ZYX: variants seen among roughly 807,000 people sequenced by gnomAD.
ZYX encodes zyxin-2.
ZYX carries 37 observed loss-of-function variants against 58.1 expected under a neutral mutation model. The observed-to-expected ratio is 0.64, with a 90% CI of 0.49 to 0.84. The LOEUF (loss-of-function observed/expected upper bound fraction) is 0.84, where lower values mean the gene tolerates loss of function less well. Among genes scored for constraint, ZYX ranks in the 40% least tolerant of loss-of-function variants. ZYX has a pLI of 0.00. For missense variants in ZYX, 762 were observed against 761.6 expected, an observed-to-expected ratio of 1.00 and a Z score of -0.01; for synonymous variants, 324 against 321.1, an observed-to-expected ratio of 1.01 and a Z score of -0.10.
At chr7:143,386,753 G>T (rs906736115) in intron 5 of ZYX, among the ~76,000 whole-genome samples, 3 of 152,164 alleles carry the variant, frequency 2.0e-5, no homozygotes, top group Non-Finnish European at 2.9e-5. Flanking sequence ...TCATGTAGTA[G>T]GTGTGGATGG....
intron 5 of ZYX, 112 bp downstream of exon 5, chr7:143,383,434 T>TGCGGGGTG (rs1364782711): frequency 7.9e-7 from 1 of 1,262,538 alleles, no homozygotes; most frequent in African/African-American, 1.5e-5. Context: ...ACACGGGGGT[T>TGCGGGGTG]GCGGGGTGGC....
Position 143,381,721 on chromosome 7 carries a change from C to G in ZYX, c.150C>G (p.Pro50=). Reference sequence around the variant, plus strand: ...GGGACAGCGAGCCTCCCCCGGCACCCGGGGCCCAGCGCGCACAGATGGGCC... The same window carrying G: ...GGGACAGCGAGCCTCCCCCGGCACCGGGGGCCCAGCGCGCACAGATGGGCC... ...RPGDSEPPPA[P]GAQRAQMGRV... Residue 50 remains proline, a synonymous_variant, in exon 2 of 10, where the codon CCC becomes CCG. Transcript: ENST00000322764. 1 of 1,600,486 alleles carries G rather than the reference C, an allele frequency of 6.2e-7. No individual in the cohort carries two copies.
chr7:143,385,496 G>A (rs905059030), intron 5 of ZYX, among the ~76,000 whole-genome samples: 1 of 150,772 alleles, frequency 6.6e-6, no homozygotes, highest in Non-Finnish European at 1.5e-5. Context: ...GAGTACATGT[G>A]TGCATGTGTG....
chr7:143,389,755 G>A lies in ZYX; in HGVS notation c.1494-102G>A, dbSNP rs1805002750. 1 of 1,521,174 alleles carries A rather than the reference G, an allele frequency of 6.6e-7. No individual in the cohort carries two copies. Among genetic ancestry groups the A allele is most frequent in the Non-Finnish European group, 8.9e-7 (1 of 1,128,042 alleles). 94.2% of individuals were successfully genotyped at this position (1,521,174 alleles called of 1,614,324 possible). A position where few individuals can be genotyped will look rare whatever the true frequency, so the allele number is the denominator to read the frequency against. On this transcript the variant is annotated intron_variant, in intron 8 of 9. Coordinates refer to ENST00000322764, the MANE Select transcript of ZYX (RefSeq NM_003461.5). This position sits in a 1 kb window ranked among gnomAD's most constrained non-coding sequence, Gnocchi z 5.6. ...GAGCTTCCTTCACCTGGAGATGCAG[G>A]GCAGAGAAGTCTGCTTCCTTGCTGC... is the stretch of plus-strand genomic sequence containing the variant.
In ZYX at chr7:143,389,706, G is replaced by A; in HGVS notation, c.1494-151G>A. Reference sequence around the variant, plus strand: ...CCCTTTGATGAGGGCCAGTCATGGTGTCTCACTCTTAGGCCCTTCTGGTGA... The same window carrying A: ...CCCTTTGATGAGGGCCAGTCATGGTATCTCACTCTTAGGCCCTTCTGGTGA... On this transcript the variant is annotated intron_variant, in intron 8 of 9. Coordinates refer to ENST00000322764, the MANE Select transcript of ZYX (RefSeq NM_003461.5). The surrounding 1 kb of genome is among the most constrained non-coding windows in gnomAD (Gnocchi z 5.6). The A allele has an allele frequency of 9.1e-7, 1 of 1,096,802 alleles. No individual in the cohort carries two copies. The highest frequency in any genetic ancestry group is 1.3e-6 in the Non-Finnish European group (1 of 784,482). 67.9% of individuals were successfully genotyped at this position (1,096,802 alleles called of 1,614,324 possible).
In ZYX at chr7:143,384,328, A is replaced by C; in HGVS notation, c.1023+1006A>C. On this transcript the variant is annotated intron_variant, in intron 5 of 9. Transcript: ENST00000322764. This position sits in a 1 kb window ranked among gnomAD's most constrained non-coding sequence, Gnocchi z 4.9. ...TTCGAAGGATGGGCAGGACGTAAGA[A>C]TCCAGAGAGGAGAGGGATGTTTGGA... The C allele has an allele frequency of 2.1e-6, 1 of 465,478 alleles. No individual in the cohort carries two copies. Among genetic ancestry groups the C allele is most frequent in the Non-Finnish European group, 4.5e-6 (1 of 223,732 alleles). The allele number at this position is 465,478 out of a possible 1,614,324, so 28.8% of individuals were successfully genotyped here.
At position 143,389,891 on chromosome 7, in the gene ZYX, C is replaced by T; in HGVS notation, c.1528C>T (p.Pro510Ser). 2 of 1,614,146 alleles carry T rather than the reference C, an allele frequency of 1.2e-6. No individual in the cohort carries two copies. The highest frequency in any genetic ancestry group is 1.7e-4 in the Middle Eastern group (1 of 6,060). ...CCCGAGGTGCTCCGTCTGCTCTGAG[C>T]CCATCATGCCTGAGCCTGGCCGAGA... ...YAPRCSVCSEPIMPEPGRDET... is the reference protein window; with the variant it reads ...YAPRCSVCSESIMPEPGRDET... The change falls in exon 9 of 10, where the codon CCC becomes TCC. Residue 510 changes from proline (P) to serine (S), a missense_variant. Physicochemically the swap from Pro to Ser is moderately conservative, Grantham distance 74. Coordinates refer to ENST00000322764, the MANE Select transcript of ZYX (RefSeq NM_003461.5). The surrounding 1 kb of genome is among the most constrained non-coding windows in gnomAD (Gnocchi z 5.6).
In ZYX at chr7:143,388,817, G is replaced by A. The variant is rs761647537; in HGVS notation, c.1365G>A (p.Met455Ile). The A allele has an allele frequency of 6.2e-7, 1 of 1,614,088 alleles. No individual in the cohort carries two copies. The highest frequency in any genetic ancestry group is 8.5e-7 in the Non-Finnish European group (1 of 1,179,998). The change falls in exon 8 of 10, where the codon ATG (methionine) becomes ATA (isoleucine). Residue 455 changes from methionine to isoleucine, a missense_variant. Met to Ile is a conservative substitution (Grantham distance 10). Coordinates refer to ENST00000322764, the MANE Select transcript of ZYX (RefSeq NM_003461.5). This position sits in a 1 kb window ranked among gnomAD's most constrained non-coding sequence, Gnocchi z 7.5. ...GCGGGGAGCCCATCACTGACCGCAT[G>A]CTGAGGGCCACGGGCAAGGCCTATC... is the stretch of plus-strand genomic sequence containing the variant. Reference protein sequence around the residue: ...NTCGEPITDRMLRATGKAYHP... With the variant: ...NTCGEPITDRILRATGKAYHP...
At position 143,383,194 on chromosome 7, in the gene ZYX, C is replaced by A; in HGVS notation, c.895C>A (p.Pro299Thr). 2 of 1,614,176 alleles carry A rather than the reference C, an allele frequency of 1.2e-6. No individual in the cohort carries two copies. Among genetic ancestry groups the A allele is most frequent in the Non-Finnish European group, 1.7e-6 (2 of 1,180,038 alleles). The change falls in exon 5 of 10, where the codon CCC becomes ACC. Residue 299 changes from proline (P) to threonine (T), a missense_variant. Transcript: ENST00000322764. ...ACAACCAAATCAAAAATTGGGGCAC[C>A]CCGAAGCTCTTTCTGCTGGCACAGG... ...GSQPNQKLGHPEALSAGTGSP... is the reference protein window; with the variant it reads ...GSQPNQKLGHTEALSAGTGSP...
chr7:143,382,266 C>G lies in ZYX; in HGVS notation c.227C>G (p.Pro76Arg), dbSNP rs1462051496. 5.6e-6 allele frequency: 9 copies of G among 1,612,726 alleles called. No homozygotes were observed. The African/African-American group carries it at 1.2e-4, about 22-fold the overall frequency. Residue 76 changes from proline to arginine, a missense_variant, in exon 3 of 10, where the codon CCT becomes CGT. By Grantham distance (103) the Pro-to-Arg change is moderately radical. Coordinates refer to ENST00000322764, the MANE Select transcript of ZYX (RefSeq NM_003461.5). ...PPPEDFPLPP[P>R]PLAGDGDDAE... Reference sequence around the variant, plus strand: ...ACCCCAGACTTTCCCCTGCCTCCACCTCCCCTTGCTGGGGATGGCGACGAT... The same window carrying G: ...ACCCCAGACTTTCCCCTGCCTCCACGTCCCCTTGCTGGGGATGGCGACGAT...
At chr7:143,386,756 G>A (rs1586568637) in intron 5 of ZYX, among the ~76,000 whole-genome samples, 1 of 152,164 alleles carries the variant, frequency 6.6e-6, no homozygotes, top group Non-Finnish European at 1.5e-5. Flanking sequence ...TGTAGTAGGT[G>A]TGGATGGGGA....
At position 143,389,167 on chromosome 7, in the gene ZYX, G is replaced by A. The variant is rs1291439049; in HGVS notation, c.1493+222G>A. Among the ~76,000 whole-genome samples, 3 of 152,332 alleles carry A rather than the reference G, an allele frequency of 2.0e-5. No homozygotes were observed. The highest frequency in any genetic ancestry group is 6.5e-5 in the Admixed American group (1 of 15,304). ...GCTGTCTGGTCCCTCCCTCGCCCTT[G>A]ATCACTGAAGCTTATTGTGGGTGTA... On this transcript the variant is annotated intron_variant, in intron 8 of 9. Coordinates refer to ENST00000322764, the MANE Select transcript of ZYX (RefSeq NM_003461.5). The surrounding 1 kb of genome is among the most constrained non-coding windows in gnomAD (Gnocchi z 5.6).
Position 143,388,565 on chromosome 7 carries a change from C to T in ZYX, c.1221C>T (p.Ile407=), listed in dbSNP as rs777554393. 40 of 1,611,872 alleles carry T rather than the reference C, an allele frequency of 2.5e-5. No homozygotes were observed. In the South Asian group the frequency reaches 4.0e-4, roughly 16 times the overall value. ...GCGCTCTAGGGCAGCTGTTCCACAT[C>T]GCCTGCTTCACCTGCCACCAGTGTG... ...AVRALGQLFH[I]ACFTCHQCAQ... is the part of the protein sequence containing the mutation. Residue 407 remains isoleucine (I), a synonymous_variant, in exon 7 of 10, where the codon ATC becomes ATT. Transcript: ENST00000322764. The surrounding 1 kb of genome is among the most constrained non-coding windows in gnomAD (Gnocchi z 7.5).
chr7:143,390,941 G>A lies in ZYX; in HGVS notation c.*259G>A. Reference sequence around the variant, plus strand: ...ACACCCCACCTGAGGGGGGCACCAGGTTTAGTGCTGCTGCTTTCACTGCTG... The same window carrying A: ...ACACCCCACCTGAGGGGGGCACCAGATTTAGTGCTGCTGCTTTCACTGCTG... On this transcript the variant is annotated 3_prime_UTR_variant, in exon 10 of 10. Coordinates refer to ENST00000322764, the MANE Select transcript of ZYX (RefSeq NM_003461.5). This position sits in a 1 kb window ranked among gnomAD's most constrained non-coding sequence, Gnocchi z 4.3. 2.0e-6 allele frequency: 1 copy of A among 500,976 alleles called. No individual in the cohort carries two copies. The highest frequency in any genetic ancestry group is 2.2e-5 in the South Asian group (1 of 44,730). 31.0% of individuals were successfully genotyped at this position (500,976 alleles called of 1,614,324 possible).
At position 143,388,128 on chromosome 7, in the gene ZYX, A is replaced by C; in HGVS notation, c.1024-91A>C. On this transcript the variant is annotated intron_variant, in intron 5 of 9. Coordinates refer to ENST00000322764, the MANE Select transcript of ZYX (RefSeq NM_003461.5). The surrounding 1 kb of genome is among the most constrained non-coding windows in gnomAD (Gnocchi z 7.5). ...CATCTGGGACACGAGCTGGGAGCTA[A>C]GCCTCATCGGAAGAAGCCGGGTAGG... 2 of 1,464,674 alleles carry C rather than the reference A, an allele frequency of 1.4e-6. No individual in the cohort carries two copies. The highest frequency in any genetic ancestry group is 1.8e-6 in the Non-Finnish European group (2 of 1,090,838). The allele number at this position is 1,464,674 out of a possible 1,614,324, so 90.7% of individuals were successfully genotyped here.
At chr7:143,381,502 C>T (rs949785006) in intron 1 of ZYX, 55 bp from the exon 2 acceptor site, 20 of 1,514,882 alleles carry the variant, frequency 1.3e-5, no homozygotes, top group Non-Finnish European at 1.7e-5. Context: ...GAGCTGGGAC[C>T]GCCTGGGGCT....
rs777236940 is a variant in ZYX at position 143,390,579 on chromosome 7, ACTGCGGGAAGCCC to A, written c.1620_1632del (p.Gly541ArgfsTer30). 1.3e-6 allele frequency: 2 copies of A among 1,562,456 alleles called. No homozygotes were observed. Among genetic ancestry groups the A allele is most frequent in the Admixed American group, 3.8e-5 (2 of 52,104 alleles). On this transcript the variant is annotated frameshift_variant and splice_region_variant, in exon 10 of 10. Coordinates refer to ENST00000322764, the MANE Select transcript of ZYX (RefSeq NM_003461.5). LOFTEE classifies it high-confidence loss of function. This position sits in a 1 kb window ranked among gnomAD's most constrained non-coding sequence, Gnocchi z 4.3. ...CCCCTCACCCTTCCTTCTTCCCAGG[ACTGCGGGAAGCCC>A]CTGTCGATTGAGGCAGATGACAATG... is the stretch of plus-strand genomic sequence containing the variant.
rs1289894540 is a variant in ZYX, at chr7:143,388,877, C to T, written c.1425C>T (p.Arg475=). The part of the protein sequence containing the change: ...PHCFTCVVCA[R]PLEGTSFIVD... The stretch of plus-strand genomic sequence containing the variant: ...GCTTCACCTGTGTGGTCTGCGCCCG[C>T]CCCCTGGAGGGCACCTCCTTCATCG... Residue 475 remains arginine, a synonymous_variant, in exon 8 of 10, where the codon CGC becomes CGT. Transcript: ENST00000322764. The surrounding 1 kb of genome is among the most constrained non-coding windows in gnomAD (Gnocchi z 7.5). The T allele has an allele frequency of 1.1e-5, 18 of 1,613,732 alleles. No homozygotes were observed. The highest frequency in any genetic ancestry group is 1.4e-5 in the Non-Finnish European group (17 of 1,179,990).
At position 143,381,589 on chromosome 7, in the gene ZYX, G is replaced by T; in HGVS notation, c.18G>T (p.Pro6=). MAAPR[P]SPAISVSVSA... ...GCCCGGCCATGGCGGCCCCCCGCCCGTCTCCCGCGATCTCCGTTTCGGTCT... is the reference window on the plus strand; with the variant it reads ...GCCCGGCCATGGCGGCCCCCCGCCCTTCTCCCGCGATCTCCGTTTCGGTCT... Residue 6 remains proline (P), a synonymous_variant, in exon 2 of 10, where the codon CCG becomes CCT. Coordinates refer to ENST00000322764, the MANE Select transcript of ZYX (RefSeq NM_003461.5). 1 of 1,610,750 alleles carries T rather than the reference G, an allele frequency of 6.2e-7. No homozygotes were observed. The highest frequency in any genetic ancestry group is 8.5e-7 in the Non-Finnish European group (1 of 1,178,920).
Sources: gnomAD v4.1 joint callset for allele counts (sites outside exome capture counted in the v4.1 genomes callset) on GRCh38, gnomAD v4.1.1 for gene constraint, Gnocchi (gnomAD v3.1) non-coding constraint, MANE v1.5 for transcripts, NCBI Gene and HGNC (gene_info 2026-07-23, HGNC 2026-07-21) for gene names.